SLC22A23: variants seen among roughly 807,000 people sequenced by gnomAD.
SLC22A23 encodes the protein ion transporter protein.
Under a neutral mutation model 61.0 loss-of-function variants are expected in SLC22A23, and 26 were observed. The ratio of observed to expected loss-of-function variants is 0.43; its 90% CI spans 0.31 to 0.59. The LOEUF (loss-of-function observed/expected upper bound fraction) is 0.59, where lower values mean the gene tolerates loss of function less well. Ranked by LOEUF, SLC22A23 falls within the 20% of genes least tolerant of loss-of-function variation. The probability of loss-of-function intolerance (pLI) is 0.11; values close to 1 mark genes in which losing one functional copy is unlikely to be tolerated. For synonymous variants in SLC22A23, 430 were observed against 413.9 expected (o/e 1.04, Z -0.47); for missense variants, 796 against 934.7 (o/e 0.85, Z 1.94).
intron 8 of SLC22A23, chr6:3,284,793 C>T (rs537868057): frequency 4.3e-5 from 44 of 1,025,146 alleles, no homozygotes; most frequent in Admixed American, 1.6e-4. Flanking sequence ...AGCATGTTGG[C>T]GCCGGGCCAG....
chr6:3,366,844 A>C (rs1765869577), intron 3 of SLC22A23, among the ~76,000 whole-genome samples: 1 of 152,196 alleles, frequency 6.6e-6, no homozygotes, highest in Non-Finnish European at 1.5e-5. Context: ...GACCTAGTTC[A>C]AGCAAGTGAC....
intron 3 of SLC22A23, among the ~76,000 whole-genome samples, chr6:3,347,863 G>A (rs761847783): frequency 9.2e-5 from 14 of 152,306 alleles, no homozygotes; most frequent in Middle Eastern, 3.4e-3. Flanking sequence ...TCAGGCTGTG[G>A]CCAAGAGCCC....
At chr6:3,357,162 A>C (rs544083975) in intron 3 of SLC22A23, among the ~76,000 whole-genome samples, 1 of 152,040 alleles carries the variant, frequency 6.6e-6, no homozygotes, top group South Asian at 2.1e-4. Flanking sequence ...GAGTCTCAGA[A>C]ATCCAGCAGG....
chr6:3,315,056 T>C (rs1022478143), intron 4 of SLC22A23, among the ~76,000 whole-genome samples: 1 of 152,208 alleles, frequency 6.6e-6, no homozygotes, highest in South Asian at 2.1e-4. Flanking sequence ...ATTCAGCCTT[T>C]TGCGTTTCTA....
chr6:3,404,957 T>TAAAAAA (rs34672318), intron 3 of SLC22A23, among the ~76,000 whole-genome samples: 4 of 144,794 alleles, frequency 2.8e-5, no homozygotes, highest in Non-Finnish European at 6.1e-5. Context: ...CTTTGAAGCT[T>TAAAAAA]AAAAAAAAAA....
rs965304427 is a variant in SLC22A23 at position 3,270,621 on chromosome 6, C to T, written c.*2434G>A. 1 of 152,392 alleles carries T rather than the reference C, an allele frequency of 6.6e-6. No homozygotes were observed. The highest frequency in any genetic ancestry group is 1.5e-5 in the Non-Finnish European group (1 of 68,058). 9.4% of individuals were successfully genotyped at this position (152,392 alleles called of 1,614,324 possible). A position where few individuals can be genotyped will look rare whatever the true frequency, so the allele number is the denominator to read the frequency against. ...CCTCACACCCACTGGACTCTGCTCC[C>T]AAGAGCCCAGGCTGTTTTCCTCAAA... On this transcript the variant is annotated 3_prime_UTR_variant, in exon 10 of 10. Transcript: ENST00000406686.
At position 3,273,283 on chromosome 6, in the gene SLC22A23, G is replaced by A; in HGVS notation, c.1833C>T (p.Cys611=). Residue 611 remains cysteine (C), a synonymous_variant, in exon 10 of 10, where the codon TGC becomes TGT. Transcript: ENST00000406686. ...HIIFACCTLI[C]IICILLLPES... ...CGGGCAGCAGGAGGATGCAGATGAT[G>A]CAGATGAGCGTGCAGCAGGCAAAGA... 6.2e-7 allele frequency: 1 copy of A among 1,614,032 alleles called. No individual in the cohort carries two copies. The highest frequency in any genetic ancestry group is 1.3e-5 in the African/African-American group (1 of 75,068).
At chr6:3,392,346 T>C (rs565582227) in intron 3 of SLC22A23, among the ~76,000 whole-genome samples, 28 of 152,354 alleles carry the variant, frequency 1.8e-4, no homozygotes, top group Non-Finnish European at 3.4e-4. Flanking sequence ...ATATTGATGA[T>C]AGAAATAAAC....
intron 9 of SLC22A23, among the ~76,000 whole-genome samples, chr6:3,277,349 C>A (rs113356148): frequency 6.6e-6 from 1 of 152,262 alleles, no homozygotes; most frequent in African/African-American, 2.4e-5. Flanking sequence ...CCTCAAGCTG[C>A]TTCACACCCG....
intron 8 of SLC22A23, chr6:3,284,858 G>A: frequency 6.6e-7 from 1 of 1,512,310 alleles, no homozygotes. Context: ...GTGCCAAGCA[G>A]CACACAAACA....
rs940388815 is a variant in SLC22A23 at position 3,387,582 on chromosome 6, G to A, written c.913+22606C>T. Among the ~76,000 whole-genome samples, 2 of 152,216 alleles carry A rather than the reference G, an allele frequency of 1.3e-5. No individual in the cohort carries two copies. Among genetic ancestry groups the A allele is most frequent in the African/African-American group, 2.4e-5 (1 of 41,448 alleles). On this transcript the variant is annotated intron_variant, in intron 3 of 9. Coordinates refer to ENST00000406686, the MANE Select transcript of SLC22A23 (RefSeq NM_015482.2). This position sits in a 1 kb window ranked among gnomAD's most constrained non-coding sequence, Gnocchi z 5.0. ...TTTAGTTAGTCCCACGACAACGTCC[G>A]TTTCTCAGCTCTGGGGACCGTAGCG...
At chr6:3,301,936 C>T (rs1166934690) in intron 4 of SLC22A23, among the ~76,000 whole-genome samples, 1 of 152,224 alleles carries the variant, frequency 6.6e-6, no homozygotes, top group African/African-American at 2.4e-5. Context: ...ATTTTGCCTT[C>T]AAGATAAAGC....
chr6:3,400,157 C>T (rs774444452), intron 3 of SLC22A23, among the ~76,000 whole-genome samples: 3 of 152,202 alleles, frequency 2.0e-5, no homozygotes, highest in Non-Finnish European at 4.4e-5. Context: ...GGATTACAGG[C>T]ATGAGCCACC....
intron 3 of SLC22A23, among the ~76,000 whole-genome samples, chr6:3,391,344 T>C (rs1430886408): frequency 1.3e-5 from 2 of 152,258 alleles, no homozygotes; most frequent in African/African-American, 4.8e-5. Flanking sequence ...ATCTGGGTCA[T>C]GAGGCTTTGT....
chr6:3,381,265 A>G (rs1766934582), intron 3 of SLC22A23, among the ~76,000 whole-genome samples: 1 of 152,194 alleles, frequency 6.6e-6, no homozygotes, highest in Non-Finnish European at 1.5e-5. Flanking sequence ...GAGGTGAGGA[A>G]GAGAAGCCTG....
In SLC22A23 at chr6:3,382,590, G is replaced by A. The variant is rs544226217; in HGVS notation, c.913+27598C>T. 7.9e-5 allele frequency among the ~76,000 whole-genome samples: 12 copies of A among 152,326 alleles called. 1 individual carries two copies. The South Asian group carries it at 2.1e-3, about 26-fold the overall frequency. On this transcript the variant is annotated intron_variant, in intron 3 of 9. Coordinates refer to ENST00000406686, the MANE Select transcript of SLC22A23 (RefSeq NM_015482.2). ...CCTTCCAACCAGGTGAGTCATCTAC[G>A]ACAGAGGTTGGCAAACTATAGCCTG...
chr6:3,428,462 T>C (rs1035490555), intron 1 of SLC22A23, among the ~76,000 whole-genome samples: 2 of 152,154 alleles, frequency 1.3e-5, no homozygotes, highest in African/African-American at 4.8e-5. Flanking sequence ...CTGCAATCAG[T>C]GTCTCGGGCT....
intron 9 of SLC22A23, among the ~76,000 whole-genome samples, chr6:3,279,308 C>T (rs1409434961): frequency 1.3e-5 from 2 of 151,164 alleles, no homozygotes; most frequent in African/African-American, 2.4e-5. Flanking sequence ...GTCAGGAGAT[C>T]GAGACCACTG....
At chr6:3,371,894 G>T (rs1285922552) in intron 3 of SLC22A23, among the ~76,000 whole-genome samples, 2 of 152,058 alleles carry the variant, frequency 1.3e-5, no homozygotes, top group African/African-American at 4.8e-5. Context: ...AAAGCTGCGA[G>T]TTAACCTCTG....
Sources: gnomAD v4.1 joint callset for allele counts (sites outside exome capture counted in the v4.1 genomes callset) on GRCh38, gnomAD v4.1.1 for gene constraint, Gnocchi (gnomAD v3.1) non-coding constraint, MANE v1.5 for transcripts, NCBI Gene and HGNC (gene_info 2026-07-23, HGNC 2026-07-21) for gene names.